The following TCF7L2 variants were observed in gnomAD, a reference collection of about 807,000 sequenced individuals.
The protein encoded by TCF7L2 is transcription factor 7 like 2.
Under a neutral mutation model 77.9 loss-of-function variants are expected in TCF7L2, and 23 were observed. The ratio of observed to expected loss-of-function variants is 0.30; its 90% CI spans 0.21 to 0.42. The LOEUF is 0.42. TCF7L2 is among the 10% of genes least tolerant of loss of function. The pLI is 1.00. For synonymous variants in TCF7L2, 413 were observed against 340.2 expected, an observed-to-expected ratio of 1.21 and a Z score of -2.36; for missense variants, 654 against 793.1, an observed-to-expected ratio of 0.82 and a Z score of 2.11.
chr10:113,071,987 A>C (rs901006883), intron 5 of TCF7L2, among the ~76,000 whole-genome samples: 2 of 152,260 alleles, frequency 1.3e-5, no homozygotes, highest in Admixed American at 6.5e-5. Flanking sequence ...TACTGTTTTA[A>C]TAAGGGAGGT....
At chr10:113,134,992 A>G (rs140561264) in intron 5 of TCF7L2, among the ~76,000 whole-genome samples, 1 of 152,240 alleles carries the variant, frequency 6.6e-6, no homozygotes, top group Non-Finnish European at 1.5e-5. Context: ...AGGGCCAGCA[A>G]TGGCTCTATT....
At chr10:112,958,198 G>A (rs962823382) in intron 3 of TCF7L2, among the ~76,000 whole-genome samples, 10 of 152,252 alleles carry the variant, frequency 6.6e-5, no homozygotes, top group African/African-American at 2.4e-4. Context: ...AATTCGACCT[G>A]TTATATTTTA....
chr10:113,144,094 G>C (rs1016978412), intron 7 of TCF7L2, 69 bp downstream of exon 7: 6 of 906,142 alleles, frequency 6.6e-6, no homozygotes, highest in Non-Finnish European at 9.0e-6. Flanking sequence ...TATTCTGTGT[G>C]TGTGTCTGTG....
intron 13 of TCF7L2, 143 bp from the exon 15 acceptor site, chr10:113,165,412 C>G (rs1463959264): frequency 6.7e-6 from 6 of 901,722 alleles, no homozygotes; most frequent in African/African-American, 1.7e-5. Context: ...GGGGGCGCCA[C>G]TGTAATTGTC....
At chr10:113,035,179 A>G (rs1053921289) in intron 4 of TCF7L2, among the ~76,000 whole-genome samples, 30 of 152,116 alleles carry the variant, frequency 2.0e-4, no homozygotes, top group African/African-American at 7.2e-4. Flanking sequence ...CCTCAGCCAA[A>G]GGGTTCAGGA....
At chr10:113,036,121 T>C (rs200598135) in intron 4 of TCF7L2, among the ~76,000 whole-genome samples, 5 of 35,698 alleles carry the variant, frequency 1.4e-4, no homozygotes, top group South Asian at 7.1e-4. Context: ...ATCACCATCA[T>C]CATCATCATC....
At chr10:113,005,137 A>G (rs899030531) in intron 4 of TCF7L2, among the ~76,000 whole-genome samples, 1 of 152,222 alleles carries the variant, frequency 6.6e-6, no homozygotes, top group Non-Finnish European at 1.5e-5. Flanking sequence ...TCAAACAGGA[A>G]TGATGAATGC....
chr10:113,023,493 A>G (rs1217978502), intron 4 of TCF7L2, among the ~76,000 whole-genome samples: 6 of 152,068 alleles, frequency 3.9e-5, no homozygotes, highest in Non-Finnish European at 5.9e-5. Flanking sequence ...ATTTTTTGAG[A>G]TGGAGTCTCC....
chr10:113,073,060 G>A (rs2058221866), intron 5 of TCF7L2, among the ~76,000 whole-genome samples: 1 of 150,600 alleles, frequency 6.6e-6, no homozygotes, highest in African/African-American at 2.4e-5. Flanking sequence ...CTAGTTAGGT[G>A]CTGGTGGCCA....
At chr10:113,070,966 C>T (rs1454435247) in intron 5 of TCF7L2, among the ~76,000 whole-genome samples, 7 of 152,308 alleles carry the variant, frequency 4.6e-5, no homozygotes, top group South Asian at 4.1e-4. Flanking sequence ...CAGTCCTAGG[C>T]AACAACTAAT....
At chr10:113,003,644 T>C (rs1330493182) in intron 4 of TCF7L2, among the ~76,000 whole-genome samples, 1 of 152,238 alleles carries the variant, frequency 6.6e-6, no homozygotes, top group East Asian at 1.9e-4. Context: ...TGCCAACCAC[T>C]GAGCATAGCA....
At chr10:113,101,593 A>AG (rs1434177801) in intron 5 of TCF7L2, among the ~76,000 whole-genome samples, 2 of 152,072 alleles carry the variant, frequency 1.3e-5, no homozygotes, top group Non-Finnish European at 2.9e-5. Flanking sequence ...CTGTAATCCC[A>AG]GCACTTTGGG....
intron 5 of TCF7L2, among the ~76,000 whole-genome samples, chr10:113,084,935 A>G (rs1371612996): frequency 1.3e-5 from 2 of 150,924 alleles, no homozygotes; most frequent in Non-Finnish European, 1.5e-5. Context: ...AAAAACCCTG[A>G]CACATAAAAT....
intron 5 of TCF7L2, among the ~76,000 whole-genome samples, chr10:113,139,645 ACTT>A (rs1007798233): frequency 1.3e-5 from 2 of 152,146 alleles, no homozygotes; most frequent in Non-Finnish European, 2.9e-5. Context: ...GGAAACGTTG[ACTT>A]CTTTTTCTGT....
rs868028692 is a variant in TCF7L2 at position 113,070,266 on chromosome 10, A to T, written c.552+30140A>T. Among the ~76,000 whole-genome samples the T allele has an allele frequency of 6.1e-3, 587 of 96,440 alleles. 4 individuals carry two copies. The highest frequency in any genetic ancestry group is 0.029 in the African/African-American group (550 of 18,974). 63.3% of individuals were successfully genotyped at this position (96,440 alleles called of 152,430 possible). ...TGAGACTCCGTCTTAAAAAAAAAAA[A>T]ATTTATATATATATATATATATATG... On this transcript the variant is annotated intron_variant, in intron 5 of 13. Coordinates refer to ENST00000627217, the MANE Select transcript of TCF7L2 (RefSeq NM_001146274.2).
intron 4 of TCF7L2, among the ~76,000 whole-genome samples, chr10:113,014,379 G>C (rs978149568): frequency 1.3e-5 from 2 of 152,170 alleles, no homozygotes; most frequent in African/African-American, 4.8e-5. Context: ...TTTTGCGAGG[G>C]TTAATTTCAG....
chr10:113,106,560 G>T (rs939639658), intron 5 of TCF7L2, among the ~76,000 whole-genome samples: 1 of 152,070 alleles, frequency 6.6e-6, no homozygotes, highest in Non-Finnish European at 1.5e-5. Context: ...CGGATGCCCC[G>T]GGTGTTGATA....
chr10:112,961,799 C>G (rs559994172), intron 3 of TCF7L2, among the ~76,000 whole-genome samples: 9 of 119,398 alleles, frequency 7.5e-5, no homozygotes, highest in African/African-American at 2.5e-4. Context: ...TTTTCTGTGT[C>G]GCTGGGCACG....
intron 5 of TCF7L2, among the ~76,000 whole-genome samples, chr10:113,053,638 A>G (rs1351430163): frequency 6.6e-6 from 1 of 152,218 alleles, no homozygotes; most frequent in Non-Finnish European, 1.5e-5. Context: ...AAGAAAACTT[A>G]GAGGTCTAGT....
Sources: allele counts gnomAD v4.1 joint callset (sites outside exome capture counted in the v4.1 genomes callset), GRCh38; gene constraint gnomAD v4.1.1; transcripts MANE v1.5; gene names NCBI Gene and HGNC (gene_info 2026-07-23, HGNC 2026-07-21).